ZHX2: variants seen among roughly 807,000 people sequenced by gnomAD.
ZHX2 encodes zinc fingers and homeoboxes protein 2.
In ZHX2, 6 loss-of-function variants were observed where a neutral mutation model predicts 21.9. The ratio of observed to expected loss-of-function variants is 0.27; its 90% CI spans 0.15 to 0.54. The LOEUF (loss-of-function observed/expected upper bound fraction) is 0.54. Among genes scored for constraint, ZHX2 ranks in the 20% least tolerant of loss-of-function variants. The pLI is 0.95. For synonymous variants in ZHX2, 434 were observed against 437.1 expected (o/e 0.99, Z 0.09); for missense variants, 908 against 1,090.7 (o/e 0.83, Z 2.36).
chr8:122,971,611 C>CA (rs56331425), intron 3 of ZHX2, among the ~76,000 whole-genome samples: 3,168 of 81,760 alleles, frequency 0.039, 118 homozygotes, highest in Middle Eastern at 0.1. Context: ...GGCCCCTGTA[C>CA]AAAAAAAAAA....
chr8:122,910,967 G>A (rs1197662467), intron 2 of ZHX2, among the ~76,000 whole-genome samples: 3 of 152,182 alleles, frequency 2.0e-5, no homozygotes, highest in Non-Finnish European at 4.4e-5. Flanking sequence ...CCACTGTATC[G>A]GCTACATGTT....
chr8:122,854,003 C>T (rs897599850), intron 1 of ZHX2, among the ~76,000 whole-genome samples: 13 of 152,140 alleles, frequency 8.5e-5, no homozygotes, highest in Middle Eastern at 6.3e-3. Flanking sequence ...CTCCTGAGAG[C>T]GCCTCAGTGA....
chr8:122,924,044 G>A (rs1456181831), intron 2 of ZHX2, among the ~76,000 whole-genome samples: 2 of 152,172 alleles, frequency 1.3e-5, no homozygotes, highest in African/African-American at 2.4e-5. Context: ...AGGTTGTCCA[G>A]GCCGTGATTA....
chr8:122,781,275 T>C (rs997869687), upstream of ZHX2: 3 of 152,222 alleles, frequency 2.0e-5, no homozygotes, highest in Non-Finnish European at 4.4e-5. The surrounding 1 kb of genome is among the most constrained non-coding windows in gnomAD (Gnocchi z 4.6). Context: ...CAACAGTTTG[T>C]TGAGCTCATC....
chr8:122,965,763 A>G (rs1813572373), intron 3 of ZHX2, among the ~76,000 whole-genome samples: 1 of 152,086 alleles, frequency 6.6e-6, no homozygotes, highest in Admixed American at 6.5e-5. Context: ...AGTCCCCACT[A>G]TTATTGAGTT....
intron 1 of ZHX2, among the ~76,000 whole-genome samples, chr8:122,827,129 C>A (rs564787358): frequency 3.9e-5 from 6 of 152,274 alleles, no homozygotes; most frequent in Non-Finnish European, 8.8e-5. Context: ...AATTGATCCT[C>A]CCACCTCAGC....
chr8:122,943,216 C>T (rs1171760001), intron 2 of ZHX2, among the ~76,000 whole-genome samples: 6 of 151,868 alleles, frequency 4.0e-5, no homozygotes, highest in African/African-American at 1.2e-4. Context: ...GAGCCAAGAT[C>T]GCACCACTGC....
At chr8:122,864,875 C>T (rs970484124) in intron 2 of ZHX2, among the ~76,000 whole-genome samples, 2 of 152,170 alleles carry the variant, frequency 1.3e-5, no homozygotes, top group African/African-American at 4.8e-5. Context: ...CACACGGGTT[C>T]CTTTGTGCTT....
chr8:122,819,126 T>C (rs910852951), intron 1 of ZHX2, among the ~76,000 whole-genome samples: 1 of 152,182 alleles, frequency 6.6e-6, no homozygotes, highest in African/African-American at 2.4e-5. Context: ...GGGAGGCCAG[T>C]GCATGAGAAG....
Position 122,915,826 on chromosome 8 carries a change from C to T in ZHX2, c.-219-35466C>T, listed in dbSNP as rs186001564. On this transcript the variant is annotated intron_variant, in intron 2 of 3. Transcript: ENST00000314393. Reference sequence around the variant, plus strand: ...TGTGGTGCTGGGAACTCTTCCCCACCGCACAGTGGTCTGAAGACCAAAGAA... The same window carrying T: ...TGTGGTGCTGGGAACTCTTCCCCACTGCACAGTGGTCTGAAGACCAAAGAA... 4.6e-5 allele frequency among the ~76,000 whole-genome samples: 7 copies of T among 152,324 alleles called. No homozygotes were observed. In the East Asian group the frequency reaches 7.7e-4, roughly 17 times the overall value.
intron 1 of ZHX2, among the ~76,000 whole-genome samples, chr8:122,817,027 C>G (rs185604759): frequency 1.3e-5 from 2 of 152,234 alleles, no homozygotes; most frequent in Admixed American, 1.3e-4. Flanking sequence ...AGAAAGAGAA[C>G]AAAAAGTGGG....
At chr8:122,955,887 C>A (rs1563605965) in intron 3 of ZHX2, among the ~76,000 whole-genome samples, 1 of 146,770 alleles carries the variant, frequency 6.8e-6, no homozygotes, top group African/African-American at 2.5e-5. Context: ...CTCTGTTGCC[C>A]AGGCTGGAAT....
chr8:122,783,944 A>G (rs1817342237), intron 1 of ZHX2, among the ~76,000 whole-genome samples: 1 of 152,226 alleles, frequency 6.6e-6, no homozygotes, highest in Admixed American at 6.5e-5. Flanking sequence ...TCTCTTGCGC[A>G]CTTGTACCTT....
intron 2 of ZHX2, among the ~76,000 whole-genome samples, chr8:122,928,687 T>C (rs984128415): frequency 6.6e-6 from 1 of 152,160 alleles, no homozygotes; most frequent in African/African-American, 2.4e-5. Context: ...TGTGGAGCCA[T>C]CTGGAATGTT....
At chr8:122,823,816 G>A (rs908572764) in intron 1 of ZHX2, among the ~76,000 whole-genome samples, 1 of 152,200 alleles carries the variant, frequency 6.6e-6, no homozygotes, top group African/African-American at 2.4e-5. Flanking sequence ...ATCCTGCTCA[G>A]TTCTTCTTCA....
intron 3 of ZHX2, among the ~76,000 whole-genome samples, chr8:122,964,609 C>A (rs999533527): frequency 6.6e-6 from 1 of 151,860 alleles, no homozygotes; most frequent in Admixed American, 6.6e-5. Context: ...TTTTATTTTT[C>A]TTTTGTTACA....
At chr8:122,819,386 T>C (rs759183982) in intron 1 of ZHX2, among the ~76,000 whole-genome samples, 11 of 152,220 alleles carry the variant, frequency 7.2e-5, no homozygotes, top group Non-Finnish European at 1.2e-4. Flanking sequence ...CAGACCGTTA[T>C]TCCCAGCATG....
At chr8:122,954,791 T>C (rs1159575379) in intron 3 of ZHX2, among the ~76,000 whole-genome samples, 2 of 152,116 alleles carry the variant, frequency 1.3e-5, no homozygotes, top group African/African-American at 4.8e-5. Flanking sequence ...ACATCCTCCC[T>C]CTGTGTGTTT....
chr8:122,898,749 G>A (rs771959121), intron 2 of ZHX2, among the ~76,000 whole-genome samples: 4 of 152,226 alleles, frequency 2.6e-5, no homozygotes, highest in African/African-American at 7.2e-5. Context: ...ATAATCCTCT[G>A]AGATAGATTC....
Sources: allele counts gnomAD v4.1 joint callset (sites outside exome capture counted in the v4.1 genomes callset), GRCh38; gene constraint gnomAD v4.1.1; non-coding constraint Gnocchi (gnomAD v3.1); transcripts MANE v1.5; gene names NCBI Gene and HGNC (gene_info 2026-07-23, HGNC 2026-07-21).